TAF4B: variants seen among roughly 807,000 people sequenced by gnomAD.
The protein encoded by TAF4B is transcription initiation factor TFIID subunit 4B.
TAF4B carries 38 observed loss-of-function variants against 86.4 expected under a neutral mutation model. The ratio of observed to expected loss-of-function variants is 0.44; its 90% CI spans 0.34 to 0.58. TAF4B has a LOEUF of 0.58. TAF4B is among the 20% of genes least tolerant of loss of function. TAF4B has a pLI of 0.02. For synonymous variants in TAF4B, 388 were observed against 391.2 expected (o/e 0.99, Z 0.10); for missense variants, 988 against 1,027.6 (o/e 0.96, Z 0.53).
intron 1 of TAF4B, among the ~76,000 whole-genome samples, chr18:26,230,829 T>C (rs529801571): frequency 1.9e-4 from 29 of 152,110 alleles, no homozygotes; most frequent in Non-Finnish European, 3.2e-4. Flanking sequence ...CGCTCAAGTA[T>C]TTGAATGTAG....
At chr18:26,254,589 G>GACTTGC (rs2056054312) in intron 1 of TAF4B, among the ~76,000 whole-genome samples, 1 of 152,072 alleles carries the variant, frequency 6.6e-6, no homozygotes, top group Admixed American at 6.5e-5. Flanking sequence ...GCCCCAAGAA[G>GACTTGC]CATTAACCTT....
Position 26,391,421 on chromosome 18 carries a change from G to A in TAF4B, c.*1409G>A, listed in dbSNP as rs2144426685. 6.7e-6 allele frequency: 1 copy of A among 150,368 alleles called. No homozygotes were observed. Among genetic ancestry groups the A allele is most frequent in the South Asian group, 2.1e-4 (1 of 4,786 alleles). 9.3% of individuals were successfully genotyped at this position (150,368 alleles called of 1,614,324 possible). On this transcript the variant is annotated 3_prime_UTR_variant, in exon 15 of 15. Transcript: ENST00000269142. Reference sequence around the variant, plus strand: ...TCATCCTGTTCTTCCCATTGGGACTGTTATGGCCATATTCTACAGTATAGT... The same window carrying A: ...TCATCCTGTTCTTCCCATTGGGACTATTATGGCCATATTCTACAGTATAGT...
At chr18:26,244,780 A>G (rs2055897121) in intron 1 of TAF4B, among the ~76,000 whole-genome samples, 1 of 152,216 alleles carries the variant, frequency 6.6e-6, no homozygotes, top group Admixed American at 6.5e-5. Flanking sequence ...AGTGGTTTTT[A>G]GGAGTGGGAG....
chr18:26,360,550 C>A (rs780675517), intron 14 of TAF4B, among the ~76,000 whole-genome samples: 3 of 152,098 alleles, frequency 2.0e-5, no homozygotes, highest in Non-Finnish European at 2.9e-5. Context: ...AAGGCCCTTT[C>A]TTAATTAGAA....
chr18:26,328,683 A>G (rs931856425), intron 12 of TAF4B, among the ~76,000 whole-genome samples: 1 of 152,008 alleles, frequency 6.6e-6, no homozygotes, highest in African/African-American at 2.4e-5. Context: ...GCAGTGGCAC[A>G]ATCTCGGCTC....
chr18:26,281,270 A>T (rs1568125123), intron 5 of TAF4B, among the ~76,000 whole-genome samples: 2 of 150,426 alleles, frequency 1.3e-5, no homozygotes, highest in Non-Finnish European at 3.0e-5. Context: ...TAAAAGCTGA[A>T]TTTTTTTTTT....
At chr18:26,253,265 T>G (rs2056032676) in intron 1 of TAF4B, among the ~76,000 whole-genome samples, 1 of 152,208 alleles carries the variant, frequency 6.6e-6, no homozygotes, top group South Asian at 2.1e-4. Context: ...TCTCTTTTTT[T>G]GGGTCTTTTT....
intron 6 of TAF4B, among the ~76,000 whole-genome samples, chr18:26,285,222 G>GTTTTTGTTTTTTTTTTTTT: frequency 0.015 from 700 of 45,666 alleles, 39 homozygotes; most frequent in East Asian, 0.027. Flanking sequence ...TTTTTTTTTT[G>GTTTTTGTTTTTTTTTTTTT]TTTTTTTTTT....
chr18:26,352,758 C>T (rs575760032), intron 13 of TAF4B, among the ~76,000 whole-genome samples: 2 of 152,130 alleles, frequency 1.3e-5, no homozygotes, highest in Admixed American at 6.5e-5. Context: ...CCTGTCTCCC[C>T]GCCACACCCC....
At chr18:26,372,149 A>T (rs2144347316) in intron 14 of TAF4B, among the ~76,000 whole-genome samples, 3 of 152,342 alleles carry the variant, frequency 2.0e-5, no homozygotes, top group Non-Finnish European at 4.4e-5. Context: ...AACAGTTCCC[A>T]CATTGGTTTC....
intron 1 of TAF4B, among the ~76,000 whole-genome samples, chr18:26,254,534 A>C (rs2056053562): frequency 6.6e-6 from 1 of 152,200 alleles, no homozygotes; most frequent in Non-Finnish European, 1.5e-5. Flanking sequence ...ATGTAACACA[A>C]AAATCGATTA....
At chr18:26,254,812 G>A (rs1340559431) in intron 1 of TAF4B, among the ~76,000 whole-genome samples, 1 of 151,992 alleles carries the variant, frequency 6.6e-6, no homozygotes. Context: ...ATGAAGGGAG[G>A]CACAGGATGC....
intron 1 of TAF4B, among the ~76,000 whole-genome samples, chr18:26,253,322 T>C (rs1176009822): frequency 6.6e-6 from 1 of 152,192 alleles, no homozygotes; most frequent in Non-Finnish European, 1.5e-5. Context: ...TTGTTCCGCA[T>C]CTGTTGAGAT....
chr18:26,350,282 G>C (rs1438358602), intron 13 of TAF4B, among the ~76,000 whole-genome samples: 1 of 152,090 alleles, frequency 6.6e-6, no homozygotes, highest in Non-Finnish European at 1.5e-5. Context: ...CTACAGAATG[G>C]GGGGAAATAT....
At chr18:26,271,702 T>A (rs2144556728) in intron 3 of TAF4B, among the ~76,000 whole-genome samples, 1 of 152,170 alleles carries the variant, frequency 6.6e-6, no homozygotes, top group South Asian at 2.1e-4. Flanking sequence ...GGCAGGTGGA[T>A]CACCTGAGGT....
At chr18:26,294,728 G>A (rs974370454) in intron 9 of TAF4B, among the ~76,000 whole-genome samples, 2 of 149,796 alleles carry the variant, frequency 1.3e-5, no homozygotes, top group African/African-American at 4.9e-5. Context: ...TAGAAATTAT[G>A]CAGTTAAAGT....
intron 7 of TAF4B, among the ~76,000 whole-genome samples, chr18:26,286,753 G>C (rs146335683): frequency 6.6e-6 from 1 of 151,332 alleles, no homozygotes; most frequent in African/African-American, 2.4e-5. Flanking sequence ...GCACGATCTC[G>C]GCTCACTGTA....
At chr18:26,251,295 G>C (rs987685434) in intron 1 of TAF4B, among the ~76,000 whole-genome samples, 2 of 152,184 alleles carry the variant, frequency 1.3e-5, no homozygotes, top group Non-Finnish European at 2.9e-5. Context: ...AAGGTGACTA[G>C]TGAGGCATTC....
intron 5 of TAF4B, among the ~76,000 whole-genome samples, chr18:26,276,331 A>G (rs1413067406): frequency 6.6e-6 from 1 of 152,206 alleles, no homozygotes; most frequent in Non-Finnish European, 1.5e-5. Context: ...CACTAAAAAG[A>G]GTGGAGATAG....
Sources: allele counts gnomAD v4.1 joint callset (sites outside exome capture counted in the v4.1 genomes callset), GRCh38; gene constraint gnomAD v4.1.1; transcripts MANE v1.5; gene names NCBI Gene and HGNC (gene_info 2026-07-23, HGNC 2026-07-21).